IGF1R: variants seen among roughly 807,000 people sequenced by gnomAD.
The protein encoded by IGF1R is insulin-like growth factor 1 receptor.
Under a neutral mutation model 144.6 loss-of-function variants are expected in IGF1R, and 44 were observed. That is an observed-to-expected ratio of 0.30 (90% CI 0.24 to 0.39). The LOEUF (loss-of-function observed/expected upper bound fraction) is 0.39. Among genes scored for constraint, IGF1R ranks in the 10% least tolerant of loss-of-function variants. The pLI is 1.00. For synonymous variants in IGF1R, 795 were observed against 722.8 expected (o/e 1.10, Z -1.60); for missense variants, 1,355 against 1,833.7 (o/e 0.74, Z 4.77).
At chr15:98,880,242 T>C (rs183387691) in intron 2 of IGF1R, among the ~76,000 whole-genome samples, 195 of 152,308 alleles carry the variant, frequency 1.3e-3, no homozygotes, top group Non-Finnish European at 2.5e-3. Flanking sequence ...CTTCTCAGCC[T>C]TTGTGTTAAT....
At chr15:98,873,491 A>G (rs1173825188) in intron 2 of IGF1R, among the ~76,000 whole-genome samples, 1 of 152,244 alleles carries the variant, frequency 6.6e-6, no homozygotes, top group East Asian at 1.9e-4. Flanking sequence ...AAAACAAAAC[A>G]TTCTGCAGAG....
chr15:98,700,660 A>G (rs1479832982), intron 1 of IGF1R, among the ~76,000 whole-genome samples: 1 of 151,960 alleles, frequency 6.6e-6, no homozygotes, highest in Non-Finnish European at 1.5e-5. Flanking sequence ...CATCTGTCCC[A>G]TTGCCTTTGT....
intron 1 of IGF1R, among the ~76,000 whole-genome samples, chr15:98,697,007 T>C (rs1022171109): frequency 2.0e-5 from 3 of 152,110 alleles, no homozygotes; most frequent in African/African-American, 7.2e-5. Flanking sequence ...GAAAAAGTAC[T>C]CCTTTGGGGG....
At chr15:98,864,678 G>A (rs1432309297) in intron 2 of IGF1R, among the ~76,000 whole-genome samples, 6 of 152,162 alleles carry the variant, frequency 3.9e-5, no homozygotes, top group South Asian at 2.1e-4. Flanking sequence ...GAGCCACAGC[G>A]CTCAGCCTAA....
At chr15:98,813,665 T>C (rs989437942) in intron 2 of IGF1R, among the ~76,000 whole-genome samples, 1 of 152,204 alleles carries the variant, frequency 6.6e-6, no homozygotes, top group South Asian at 2.1e-4. Context: ...TGAATAGCAG[T>C]AAACCCTACA....
At chr15:98,933,983 T>A (rs934920960) in intron 15 of IGF1R, among the ~76,000 whole-genome samples, 11 of 152,248 alleles carry the variant, frequency 7.2e-5, no homozygotes, top group African/African-American at 2.7e-4. Flanking sequence ...CCGTATTTTT[T>A]AAAAGTAAAA....
At chr15:98,919,231 G>A (rs1332915637) in intron 10 of IGF1R, among the ~76,000 whole-genome samples, 1 of 152,168 alleles carries the variant, frequency 6.6e-6, no homozygotes, top group Non-Finnish European at 1.5e-5. Context: ...CCATTGCGTT[G>A]CTTCTCGTGG....
At chr15:98,670,196 G>A (rs1269189419) in intron 1 of IGF1R, among the ~76,000 whole-genome samples, 3 of 152,132 alleles carry the variant, frequency 2.0e-5, no homozygotes, top group Non-Finnish European at 4.4e-5. Flanking sequence ...GGAACCAGAT[G>A]CTTTTATGAG....
At chr15:98,715,717 G>A (rs1432487634) in intron 2 of IGF1R, among the ~76,000 whole-genome samples, 1 of 152,090 alleles carries the variant, frequency 6.6e-6, no homozygotes, top group Non-Finnish European at 1.5e-5. Context: ...TTAGAAACAC[G>A]CCTCCTTTGG....
chr15:98,681,080 A>G (rs1287713801), intron 1 of IGF1R, among the ~76,000 whole-genome samples: 4 of 152,078 alleles, frequency 2.6e-5, no homozygotes, highest in Non-Finnish European at 5.9e-5. Context: ...GTGTAAGTAT[A>G]CTCTGATCAC....
intron 2 of IGF1R, among the ~76,000 whole-genome samples, chr15:98,777,249 A>T (rs923974752): frequency 1.3e-5 from 2 of 152,198 alleles, no homozygotes; most frequent in African/African-American, 4.8e-5. Flanking sequence ...CATTCCTCGT[A>T]GCTACTCAGT....
intron 2 of IGF1R, among the ~76,000 whole-genome samples, chr15:98,835,080 T>TACACACACACACACACACACACACACAC (rs34443123): frequency 1.5e-5 from 2 of 130,440 alleles, no homozygotes; most frequent in African/African-American, 6.5e-5. Flanking sequence ...ACACCCCCCC[T>TACACACACACACACACACACACACACAC]ACACACACAC....
chr15:98,673,200 A>T (rs2052943485), intron 1 of IGF1R, among the ~76,000 whole-genome samples: 1 of 152,222 alleles, frequency 6.6e-6, no homozygotes, highest in South Asian at 2.1e-4. Flanking sequence ...TGGACCACAC[A>T]TGGTTTTATA....
intron 2 of IGF1R, among the ~76,000 whole-genome samples, chr15:98,818,912 A>G (rs1261201173): frequency 2.6e-5 from 4 of 152,200 alleles, no homozygotes; most frequent in African/African-American, 9.7e-5. Context: ...CTTGTAAAAT[A>G]TAGCCTGAAG....
intron 2 of IGF1R, among the ~76,000 whole-genome samples, chr15:98,812,288 T>C (rs1222171068): frequency 6.6e-6 from 1 of 152,092 alleles, no homozygotes; most frequent in Admixed American, 6.6e-5. Flanking sequence ...TTGAACTCTT[T>C]CTTGTGCCCT....
chr15:98,806,955 G>A (rs966764887), intron 2 of IGF1R, among the ~76,000 whole-genome samples: 6 of 152,118 alleles, frequency 3.9e-5, no homozygotes, highest in African/African-American at 1.4e-4. Flanking sequence ...GAGGTCAGGA[G>A]TTCAAGACCA....
chr15:98,745,843 A>T (rs1327837951), intron 2 of IGF1R, among the ~76,000 whole-genome samples: 2 of 152,248 alleles, frequency 1.3e-5, no homozygotes, highest in Non-Finnish European at 1.5e-5. Flanking sequence ...TATGGAAGGC[A>T]AATTGGCGTT....
intron 2 of IGF1R, among the ~76,000 whole-genome samples, chr15:98,756,470 A>G (rs1445964135): frequency 6.6e-6 from 1 of 151,108 alleles, no homozygotes; most frequent in Non-Finnish European, 1.5e-5. Flanking sequence ...GTTATTTGTA[A>G]TATTGTTATC....
intron 5 of IGF1R, among the ~76,000 whole-genome samples, chr15:98,908,064 A>T (rs1280383025): frequency 6.6e-6 from 1 of 152,204 alleles, no homozygotes; most frequent in Non-Finnish European, 1.5e-5. Context: ...TCTTGCCTGG[A>T]TGAGAGGCCC....
Sources: allele counts gnomAD v4.1 joint callset (sites outside exome capture counted in the v4.1 genomes callset), GRCh38; gene constraint gnomAD v4.1.1; transcripts MANE v1.5; gene names NCBI Gene and HGNC (gene_info 2026-07-23, HGNC 2026-07-21).